The following RND3 variants were observed in gnomAD, a reference collection of about 807,000 sequenced individuals.
RND3 encodes rho-related GTP-binding protein RhoE.
A neutral mutation model predicts 26.5 loss-of-function variants in RND3; 8 were observed. The observed-to-expected ratio is 0.30, with a 90% CI of 0.18 to 0.54. RND3 has a LOEUF of 0.54. RND3 is among the 20% of genes least tolerant of loss of function. The probability of loss-of-function intolerance (pLI) is 0.94; values close to 1 mark genes in which losing one functional copy is unlikely to be tolerated. For synonymous variants in RND3, 113 were observed against 113.0 expected (o/e 1.00, Z 0.00); for missense variants, 207 against 302.8 (o/e 0.68, Z 2.35).
At chr2:150,473,503 C>T (rs1686118099) in intron 4 of RND3, among the ~76,000 whole-genome samples, 1 of 152,200 alleles carries the variant, frequency 6.6e-6, no homozygotes. Context: ...CCTCCCTCTG[C>T]ATGTCTAGCA....
intron 3 of RND3, among the ~76,000 whole-genome samples, chr2:150,475,456 A>T (rs1236304216): frequency 6.6e-6 from 1 of 152,194 alleles, no homozygotes; most frequent in Admixed American, 6.5e-5. Flanking sequence ...AGGGATCAAT[A>T]CGTATTAACT....
chr2:150,479,553 G>A (rs1686236182), intron 3 of RND3, among the ~76,000 whole-genome samples: 1 of 152,128 alleles, frequency 6.6e-6, no homozygotes, highest in East Asian at 1.9e-4. Context: ...TAAAGCTATT[G>A]CATATTTTTG....
Position 150,487,375 on chromosome 2 carries a change from T to C in RND3, c.43A>G (p.Ile15Val), listed in dbSNP as rs147918776. 18 of 1,562,770 alleles carry C rather than the reference T, an allele frequency of 1.2e-5. 1 individual carries two copies. The highest frequency in any genetic ancestry group is 8.9e-5 in the Admixed American group (5 of 56,464). ...RASQKLSSKS[I>V]MDPNQNVKCK... ...TTCACGTTCTGATTAGGATCCATGA[T>C]AGATTTGCTGGATAATTTCTGGCTG... Residue 15 changes from isoleucine to valine, a missense_variant, in exon 2 of 6, where the codon ATC becomes GTC. Ile to Val is a conservative substitution (Grantham distance 29). Transcript: ENST00000263895.
chr2:150,475,247 G>T, intron 3 of RND3: 1 of 286,136 alleles, frequency 3.5e-6, no homozygotes, highest in Non-Finnish European at 6.7e-6. Context: ...AAAGACTAGG[G>T]CCTGAAGTTA....
chr2:150,487,219 G>C, intron 2 of RND3, 49 bp downstream of exon 2: 1 of 1,464,704 alleles, frequency 6.8e-7, no homozygotes, highest in South Asian at 1.5e-5. Flanking sequence ...TCGGGACTGG[G>C]ATCCCACTGG....
intron 3 of RND3, among the ~76,000 whole-genome samples, chr2:150,482,628 G>A (rs939932867): frequency 6.8e-6 from 1 of 146,974 alleles, no homozygotes; most frequent in Non-Finnish European, 1.5e-5. Context: ...CAAAGGTTTT[G>A]TTTACTTTTG....
At chr2:150,483,791 G>A (rs1686314726) in intron 3 of RND3, among the ~76,000 whole-genome samples, 1 of 152,176 alleles carries the variant, frequency 6.6e-6, no homozygotes, top group East Asian at 1.9e-4. Context: ...GCAGTGCTTG[G>A]TGACTGTGTT....
rs1553461879 is a variant in RND3 at position 150,487,474 on chromosome 2, A to ATATATATATAT, written c.-38-20_-38-19insATATATATATA. ...ATTTTCTCTTAAGAAGAAAAAAAAAAATATATATATATATATATATTTCTC... is the reference window on the plus strand; with the variant it reads ...ATTTTCTCTTAAGAAGAAAAAAAAAATATATATATATATATATATATATATATATATTTCTC... On this transcript the variant is annotated intron_variant, in intron 1 of 5. Transcript: ENST00000263895. 1,796 of 200,612 alleles carry ATATATATATAT rather than the reference A, an allele frequency of 9.0e-3. 27 individuals are homozygous for ATATATATATAT. Among genetic ancestry groups the ATATATATATAT allele is most frequent in the Admixed American group, 0.01 (139 of 13,816 alleles). 12.4% of individuals were successfully genotyped at this position (200,612 alleles called of 1,614,324 possible). A position where few individuals can be genotyped will look rare whatever the true frequency, so the allele number is the denominator to read the frequency against.
chr2:150,477,813 C>T (rs1030434253), intron 3 of RND3, among the ~76,000 whole-genome samples: 12 of 152,046 alleles, frequency 7.9e-5, no homozygotes, highest in African/African-American at 2.9e-4. Context: ...AATAAACCAC[C>T]GTGCTTGTGG....
At chr2:150,472,383 G>A (rs535654506) in intron 4 of RND3, among the ~76,000 whole-genome samples, 3 of 152,284 alleles carry the variant, frequency 2.0e-5, no homozygotes, top group Non-Finnish European at 4.4e-5. Context: ...TTGGGTCATC[G>A]GGAAGGCAGC....
At chr2:150,475,167 T>C in intron 3 of RND3, 183 bp from the exon 4 acceptor site, 1 of 514,138 alleles carries the variant, frequency 1.9e-6, no homozygotes, top group Non-Finnish European at 3.5e-6. Flanking sequence ...ATATGATGAA[T>C]GAAGCCTCAC....
intron 3 of RND3, among the ~76,000 whole-genome samples, chr2:150,479,275 C>G (rs1418923729): frequency 1.3e-5 from 2 of 152,146 alleles, no homozygotes; most frequent in African/African-American, 4.8e-5. Flanking sequence ...AGACACATAC[C>G]TGCCTGCTGA....
In RND3 at chr2:150,487,471, AAAAATATAT is replaced by A; in HGVS notation, c.-38-25_-38-17del. On this transcript the variant is annotated splice_polypyrimidine_tract_variant and intron_variant, in intron 1 of 5. Transcript: ENST00000263895. ...GGAATTTTCTCTTAAGAAGAAAAAA[AAAAATATAT>A]ATATATATATATATTTCTCTCTTTA... 2.4e-6 allele frequency: 1 copy of A among 411,418 alleles called. No homozygotes were observed. Among genetic ancestry groups the A allele is most frequent in the Non-Finnish European group, 3.4e-6 (1 of 290,628 alleles). The allele number at this position is 411,418 out of a possible 1,614,324, so 25.5% of individuals were successfully genotyped here. A position where few individuals can be genotyped will look rare whatever the true frequency, so the allele number is the denominator to read the frequency against.
chr2:150,470,582 G>C (rs1273125417), intron 5 of RND3, among the ~76,000 whole-genome samples: 2 of 152,090 alleles, frequency 1.3e-5, no homozygotes. Context: ...GTGTAGAGTG[G>C]AGCTAACGAA....
chr2:150,487,681 C>T, upstream of RND3: 1 of 153,118 alleles, frequency 6.5e-6, no homozygotes, highest in South Asian at 2.1e-4. Context: ...GTTTCACGCT[C>T]TCTGCGCGGC....
chr2:150,486,629 C>G lies in RND3; in HGVS notation c.238+65G>C. Reference sequence around the variant, plus strand: ...GCTTGTAGCGCGCGGTTTCCCGAGACCCGCCGCGCATCCCCCAGCGACTGG... The same window carrying G: ...GCTTGTAGCGCGCGGTTTCCCGAGAGCCGCCGCGCATCCCCCAGCGACTGG... On this transcript the variant is annotated intron_variant, in intron 3 of 5. Transcript: ENST00000263895. The surrounding 1 kb of genome is among the most constrained non-coding windows in gnomAD (Gnocchi z 4.5). 2 of 1,178,482 alleles carry G rather than the reference C, an allele frequency of 1.7e-6. No homozygotes were observed. The highest frequency in any genetic ancestry group is 2.6e-6 in the Non-Finnish European group (2 of 782,844). The allele number at this position is 1,178,482 out of a possible 1,614,324, so 73.0% of individuals were successfully genotyped here.
chr2:150,486,624 C>A lies in RND3; in HGVS notation c.238+70G>T. ...AGACGGCTTGTAGCGCGCGGTTTCCCGAGACCCGCCGCGCATCCCCCAGCG... is the reference window on the plus strand; with the variant it reads ...AGACGGCTTGTAGCGCGCGGTTTCCAGAGACCCGCCGCGCATCCCCCAGCG... On this transcript the variant is annotated intron_variant, in intron 3 of 5. Transcript: ENST00000263895. The surrounding 1 kb of genome is among the most constrained non-coding windows in gnomAD (Gnocchi z 4.5). 8.7e-7 allele frequency: 1 copy of A among 1,152,706 alleles called. No homozygotes were observed. The highest frequency in any genetic ancestry group is 1.2e-5 in the South Asian group (1 of 81,868). The allele number at this position is 1,152,706 out of a possible 1,614,324, so 71.4% of individuals were successfully genotyped here.
At chr2:150,470,318 T>C in intron 5 of RND3, 80 bp from the exon 6 acceptor site, 1 of 1,415,332 alleles carries the variant, frequency 7.1e-7, no homozygotes, top group Non-Finnish European at 9.7e-7. Flanking sequence ...TACCACAAAA[T>C]AATAACACAT....
intron 5 of RND3, among the ~76,000 whole-genome samples, chr2:150,471,252 A>G (rs1176930758): frequency 6.6e-6 from 1 of 152,172 alleles, no homozygotes; most frequent in Non-Finnish European, 1.5e-5. Flanking sequence ...TGCTTACAGA[A>G]ATGAAGACTC....
Sources: gnomAD v4.1 joint callset for allele counts (sites outside exome capture counted in the v4.1 genomes callset) on GRCh38, gnomAD v4.1.1 for gene constraint, Gnocchi (gnomAD v3.1) non-coding constraint, MANE v1.5 for transcripts, NCBI Gene and HGNC (gene_info 2026-07-23, HGNC 2026-07-21) for gene names.